Variants in DPY19L3 observed in about 807,000 individuals in gnomAD.
DPY19L3 encodes protein C-mannosyl-transferase DPY19L3.
DPY19L3 carries 51 observed loss-of-function variants against 92.3 expected under a neutral mutation model. The ratio of observed to expected loss-of-function variants is 0.55; its 90% confidence interval spans 0.44 to 0.70. The LOEUF (loss-of-function observed/expected upper bound fraction) is 0.70. Ranked by LOEUF, DPY19L3 falls within the 30% of genes least tolerant of loss-of-function variation. DPY19L3 has a pLI of 0.00. For synonymous variants in DPY19L3, 309 were observed against 315.2 expected (o/e 0.98, Z 0.21); for missense variants, 706 against 855.9 (o/e 0.82, Z 2.18).
chr19:32,433,025 C>G (rs1474392468), intron 4 of DPY19L3, among the ~76,000 whole-genome samples: 1 of 152,082 alleles, frequency 6.6e-6, no homozygotes, highest in Non-Finnish European at 1.5e-5. Context: ...CTGTTCCATC[C>G]CAAAAGTAAT....
rs1392790145 is a variant in DPY19L3 at position 32,439,195 on chromosome 19, T to C, written c.680T>C (p.Ile227Thr). 6.2e-7 allele frequency: 1 copy of C among 1,613,736 alleles called. No homozygotes were observed. Among genetic ancestry groups the C allele is most frequent in the Non-Finnish European group, 8.5e-7 (1 of 1,179,738 alleles). The change falls in exon 7 of 19, where the codon ATT becomes ACT. Residue 227 changes from isoleucine (I) to threonine (T), a missense_variant. Coordinates refer to ENST00000392250, the MANE Select transcript of DPY19L3 (RefSeq NM_001172774.2). Reference protein sequence around the residue: ...LPFFAIQIAAITYFLRPNLQP... With the variant: ...LPFFAIQIAATTYFLRPNLQP... ...TTCTTTGCAATTCAGATAGCAGCAA[T>C]TACATATTTCCTGAGACCAAACTTA...
At chr19:32,434,434 A>T (rs1012244841) in intron 4 of DPY19L3, among the ~76,000 whole-genome samples, 2 of 152,200 alleles carry the variant, frequency 1.3e-5, no homozygotes, top group South Asian at 4.1e-4. Context: ...AGGCGGATGG[A>T]TCACCTGAGG....
chr19:32,438,500 ATCTC>A (rs1279995887), intron 6 of DPY19L3, among the ~76,000 whole-genome samples: 2 of 152,072 alleles, frequency 1.3e-5, no homozygotes, highest in African/African-American at 4.8e-5. Flanking sequence ...TTTCATATAT[ATCTC>A]TATCTTTTAT....
Position 32,453,141 on chromosome 19 carries a change from G to C in DPY19L3, c.856-4G>C, listed in dbSNP as rs749745501. On this transcript the variant is annotated splice_region_variant and splice_polypyrimidine_tract_variant and intron_variant, in intron 8 of 18. Transcript: ENST00000392250. ...TGTACTCATCTAATCTTTGGTTCTT[G>C]CAGGCGACATGGCTGTATGGAATAC... is the stretch of plus-strand genomic sequence containing the variant. 1.2e-6 allele frequency: 2 copies of C among 1,613,462 alleles called. No homozygotes were observed. Among genetic ancestry groups the C allele is most frequent in the Non-Finnish European group, 1.7e-6 (2 of 1,179,912 alleles).
chr19:32,434,482 C>A (rs1415014306), intron 4 of DPY19L3, among the ~76,000 whole-genome samples: 1 of 152,014 alleles, frequency 6.6e-6, no homozygotes, highest in Non-Finnish European at 1.5e-5. Context: ...CATGGAGAAA[C>A]CCCATCTCTA....
At chr19:32,407,515 T>G (rs1475977240) in intron 1 of DPY19L3, among the ~76,000 whole-genome samples, 5 of 152,212 alleles carry the variant, frequency 3.3e-5, no homozygotes, top group Non-Finnish European at 5.9e-5. Context: ...GAAGACCTAC[T>G]ACCGCCTATG....
In DPY19L3 at chr19:32,463,809, C is replaced by T. The variant is rs1353559507; in HGVS notation, c.1446-60C>T. 4 of 1,425,900 alleles carry T rather than the reference C, an allele frequency of 2.8e-6. No individual in the cohort carries two copies. In the African/African-American group the frequency reaches 5.6e-5, roughly 20 times the overall value. 88.3% of individuals were successfully genotyped at this position (1,425,900 alleles called of 1,614,324 possible). A position where few individuals can be genotyped will look rare whatever the true frequency, so the allele number is the denominator to read the frequency against. On this transcript the variant is annotated intron_variant, in intron 13 of 18. Coordinates refer to ENST00000392250, the MANE Select transcript of DPY19L3 (RefSeq NM_001172774.2). ...TGTAAAGCTGCCTTTATAGGTGTCTCAGAATCCAGGTTTATATACAACTAG... is the reference window on the plus strand; with the variant it reads ...TGTAAAGCTGCCTTTATAGGTGTCTTAGAATCCAGGTTTATATACAACTAG...
At chr19:32,407,891 C>G (rs1371108918) in intron 1 of DPY19L3, among the ~76,000 whole-genome samples, 1 of 152,094 alleles carries the variant, frequency 6.6e-6, no homozygotes, top group African/African-American at 2.4e-5. Flanking sequence ...GCCAGGAGTT[C>G]AGTACCAGCC....
chr19:32,477,803 C>G, intron 17 of DPY19L3, 149 bp downstream of exon 17: 1 of 1,125,270 alleles, frequency 8.9e-7, no homozygotes, highest in Non-Finnish European at 1.2e-6. Flanking sequence ...CTGATAAAGG[C>G]ATACCTGACA....
chr19:32,429,037 C>T (rs1968869676), intron 3 of DPY19L3, among the ~76,000 whole-genome samples: 1 of 151,992 alleles, frequency 6.6e-6, no homozygotes, highest in African/African-American at 2.4e-5. Context: ...TTAGTAGAGA[C>T]GGGGTTTCAC....
rs746313779 is a variant in DPY19L3 at position 32,477,590 on chromosome 19, C to T, written c.1766C>T (p.Thr589Met). ...TTGCTGGCCGGAGTCAAGCTGTGCA[C>T]GGGAAGGACCCTAACCAACCACCCG... ...MQLLAGVKLCTGRTLTNHPHY... is the reference protein window; with the variant it reads ...MQLLAGVKLCMGRTLTNHPHY... Residue 589 changes from threonine (T) to methionine (M), a missense_variant, in exon 17 of 19, where the codon ACG becomes ATG. Transcript: ENST00000392250. 5.0e-6 allele frequency: 8 copies of T among 1,614,078 alleles called. No homozygotes were observed. Among genetic ancestry groups the T allele is most frequent in the Middle Eastern group, 1.6e-4 (1 of 6,062 alleles).
chr19:32,449,464 CA>C (rs1273756457), intron 8 of DPY19L3, among the ~76,000 whole-genome samples: 1 of 151,970 alleles, frequency 6.6e-6, no homozygotes, highest in African/African-American at 2.4e-5. Context: ...AGAATAGCTA[CA>C]ACAATCTTGA....
At chr19:32,419,183 CAG>C (rs1192594855) in intron 3 of DPY19L3, among the ~76,000 whole-genome samples, 1 of 144,946 alleles carries the variant, frequency 6.9e-6, no homozygotes, top group African/African-American at 2.6e-5. Context: ...TTTTTTGAGA[CAG>C]AGTCTCGCTG....
At chr19:32,441,559 G>A (rs193086183) in intron 8 of DPY19L3, among the ~76,000 whole-genome samples, 6 of 148,458 alleles carry the variant, frequency 4.0e-5, no homozygotes, top group South Asian at 4.3e-4. Context: ...GTGCAGTGGC[G>A]CGATCTTGGC....
At chr19:32,407,395 G>A (rs916668156) in intron 1 of DPY19L3, among the ~76,000 whole-genome samples, 3 of 152,160 alleles carry the variant, frequency 2.0e-5, no homozygotes, top group Admixed American at 2.0e-4. Flanking sequence ...GAACACTGGT[G>A]TTAAAATTCA....
At chr19:32,437,116 C>G (rs1969167614) in intron 5 of DPY19L3, 78 bp from the exon 6 acceptor site, 1 of 1,555,978 alleles carries the variant, frequency 6.4e-7, no homozygotes, top group South Asian at 1.2e-5. Context: ...ATATTGTATT[C>G]CTACTGTCAT....
intron 9 of DPY19L3, 68 bp from the exon 10 acceptor site, chr19:32,454,871 C>T: frequency 7.8e-6 from 8 of 1,019,970 alleles, no homozygotes; most frequent in Middle Eastern, 2.2e-4. Context: ...CTTAAGTAAG[C>T]TCATCTTCAG....
chr19:32,441,129 C>T (rs1969309060), intron 8 of DPY19L3, among the ~76,000 whole-genome samples: 1 of 152,152 alleles, frequency 6.6e-6, no homozygotes, highest in Non-Finnish European at 1.5e-5. Flanking sequence ...ATGTATTTGC[C>T]TTTTCACCAA....
At chr19:32,442,569 C>A (rs10406805) in intron 8 of DPY19L3, among the ~76,000 whole-genome samples, 134,862 of 152,146 alleles carry the variant, frequency 0.89, 60,038 homozygotes, top group African/African-American at 0.97. Flanking sequence ...AGGGACCTTG[C>A]GACCAGAGGG....
Sources: allele counts gnomAD v4.1 joint callset (sites outside exome capture counted in the v4.1 genomes callset), GRCh38; gene constraint gnomAD v4.1.1; transcripts MANE v1.5; gene names NCBI Gene and HGNC (gene_info 2026-07-23, HGNC 2026-07-21).